LAMP3: variants seen among roughly 807,000 people sequenced by gnomAD.
LAMP3 encodes the protein lysosome associated membrane protein 3.
LAMP3 carries 26 observed loss-of-function variants against 34.8 expected under a neutral mutation model. The ratio of observed to expected loss-of-function variants is 0.75; its 90% CI spans 0.55 to 1.04. The LOEUF is 1.04. LAMP3 is among the 50% of genes least tolerant of loss of function. The probability of loss-of-function intolerance (pLI) is 0.00; values close to 1 mark genes in which losing one functional copy is unlikely to be tolerated. For synonymous variants in LAMP3, 180 were observed against 201.9 expected (o/e 0.89, Z 0.92); for missense variants, 495 against 524.0 (o/e 0.94, Z 0.54).
intron 5 of LAMP3, among the ~76,000 whole-genome samples, chr3:183,128,966 T>C (rs1323074995): frequency 6.6e-6 from 1 of 152,244 alleles, no homozygotes; most frequent in Non-Finnish European, 1.5e-5. Flanking sequence ...TGTTGCATCC[T>C]TTGAATTATT....
chr3:183,152,344 T>C lies in LAMP3; in HGVS notation c.888+31A>G. 3.8e-6 allele frequency: 6 copies of C among 1,574,396 alleles called. No homozygotes were observed. In the South Asian group the frequency reaches 4.7e-5, roughly 12 times the overall value. On this transcript the variant is annotated intron_variant, in intron 3 of 5. Coordinates refer to ENST00000265598, the MANE Select transcript of LAMP3 (RefSeq NM_014398.4). ...GAGGGAGAGGGAAAGCTGTACCAGATGCAGTTTGTGCAAAGGAGCTCAGGC... is the reference window on the plus strand; with the variant it reads ...GAGGGAGAGGGAAAGCTGTACCAGACGCAGTTTGTGCAAAGGAGCTCAGGC...
rs147387418 is a variant in LAMP3, at chr3:183,133,287, C to T, written c.1117+2430G>A. On this transcript the variant is annotated intron_variant, in intron 5 of 5. Coordinates refer to ENST00000265598, the MANE Select transcript of LAMP3 (RefSeq NM_014398.4). ...CAACTTTGAGAAAATGCTAGTTTGG[C>T]CTAGAGGGTTGTGATCAGAGTTATG... 8.8e-3 allele frequency among the ~76,000 whole-genome samples: 1,339 copies of T among 152,234 alleles called. 78 individuals are homozygous for T. The highest frequency in any genetic ancestry group is 0.081 in the Admixed American group (1,240 of 15,284).
intron 5 of LAMP3, among the ~76,000 whole-genome samples, chr3:183,128,487 C>CCCTATTGATG (rs1719836699): frequency 6.6e-6 from 1 of 152,032 alleles, no homozygotes; most frequent in African/African-American, 2.4e-5. Flanking sequence ...AAAATCTGGC[C>CCCTATTGATG]CCTATTGATG....
rs116108497 is a variant in LAMP3 at position 183,148,088 on chromosome 3, A to T, written c.888+4287T>A. Among the ~76,000 whole-genome samples the T allele has an allele frequency of 7.1e-3, 1,083 of 152,286 alleles. 13 individuals carry two copies. The highest frequency in any genetic ancestry group is 0.024 in the African/African-American group (1,009 of 41,552). On this transcript the variant is annotated intron_variant, in intron 3 of 5. Transcript: ENST00000265598. ...TTGAGGAAAGGACAGTGTCTTCAAT[A>T]AATGGTGCTAGGAAAACTGGGTATC...
At chr3:183,132,971 A>C in intron 5 of LAMP3, 2 of 983,308 alleles carry the variant, frequency 2.0e-6, no homozygotes, top group Non-Finnish European at 2.4e-6. Flanking sequence ...AATTGAAGTC[A>C]GAGTAACAAG....
intron 1 of LAMP3, among the ~76,000 whole-genome samples, chr3:183,160,101 C>A (rs1720934193): frequency 6.6e-6 from 1 of 152,190 alleles, no homozygotes; most frequent in Non-Finnish European, 1.5e-5. Flanking sequence ...GAGTAACAAG[C>A]AACTATCTTG....
At chr3:183,142,774 T>C (rs1463120903) in intron 3 of LAMP3, among the ~76,000 whole-genome samples, 1 of 152,144 alleles carries the variant, frequency 6.6e-6, no homozygotes, top group African/African-American at 2.4e-5. Context: ...TAATGAATTT[T>C]TGGGGCTTAG....
In LAMP3 at chr3:183,154,006, A is replaced by G. The variant is rs747997199; in HGVS notation, c.435T>C (p.Thr145=). The change falls in exon 2 of 6, where the codon ACT becomes ACC. Residue 145 remains threonine, a synonymous_variant. Coordinates refer to ENST00000265598, the MANE Select transcript of LAMP3 (RefSeq NM_014398.4). ...GGCTGACGGTTGATGAACTGGTTCC[A>G]GTTGTATGAGCTGGTGGGGTGATGG... ...PPTITPPAHT[T]GTSSSTVSHT... is the part of the protein sequence containing the mutation. 1.2e-6 allele frequency: 2 copies of G among 1,614,102 alleles called. No homozygotes were observed. The highest frequency in any genetic ancestry group is 1.7e-6 in the Non-Finnish European group (2 of 1,180,008).
intron 3 of LAMP3, among the ~76,000 whole-genome samples, chr3:183,151,672 C>G (rs1434888046): frequency 1.3e-5 from 2 of 151,978 alleles, no homozygotes; most frequent in Non-Finnish European, 2.9e-5. Context: ...AGGTGATCTG[C>G]CCGCCTCAGC....
intron 1 of LAMP3, among the ~76,000 whole-genome samples, chr3:183,155,907 C>T (rs1429506196): frequency 6.6e-6 from 1 of 152,170 alleles, no homozygotes; most frequent in Non-Finnish European, 1.5e-5. Context: ...TTAAGTAAAA[C>T]TCTTCATGGA....
In LAMP3 at chr3:183,124,162, G is replaced by T. The variant is rs1437426997; in HGVS notation, c.1170C>A (p.Ile390=). 3 of 1,609,764 alleles carry T rather than the reference G, an allele frequency of 1.9e-6. No homozygotes were observed. The highest frequency in any genetic ancestry group is 2.7e-5 in the African/African-American group (2 of 74,628). ...YTIVLPVIGA[I]VVGLCLMGMG... is the part of the protein sequence containing the mutation. ...TACCCATAAGGCAGAGACCAACCACGATGGCCCCAATCACAGGAAGCACAA... is the reference window on the plus strand; with the variant it reads ...TACCCATAAGGCAGAGACCAACCACTATGGCCCCAATCACAGGAAGCACAA... Residue 390 remains isoleucine, a synonymous_variant, in exon 6 of 6, where the codon ATC becomes ATA. Transcript: ENST00000265598.
chr3:183,154,400 T>C lies in LAMP3; in HGVS notation c.50-9A>G. ...GCCATCGTGCAAAATTACTGAAAAT[T>C]AGGAAATAAAAGTGTTAAAAACACT... is the stretch of plus-strand genomic sequence containing the variant. On this transcript the variant is annotated splice_polypyrimidine_tract_variant and intron_variant, in intron 1 of 5. Transcript: ENST00000265598. 6.3e-7 allele frequency: 1 copy of C among 1,583,090 alleles called. No homozygotes were observed. The highest frequency in any genetic ancestry group is 8.6e-7 in the Non-Finnish European group (1 of 1,164,170).
chr3:183,160,499 G>A (rs1397221537), intron 1 of LAMP3, among the ~76,000 whole-genome samples: 1 of 152,172 alleles, frequency 6.6e-6, no homozygotes, highest in East Asian at 1.9e-4. Flanking sequence ...AAAGTGCTGG[G>A]ATTACAGGTG....
chr3:183,136,672 A>AAAAAC, intron 4 of LAMP3, among the ~76,000 whole-genome samples: 1 of 145,400 alleles, frequency 6.9e-6, no homozygotes, highest in Non-Finnish European at 1.5e-5. Context: ...AAAAAAAAAC[A>AAAAAC]ACTCATTAGG....
chr3:183,124,379 T>A (rs1445583815), intron 5 of LAMP3, among the ~76,000 whole-genome samples, 165 bp from the exon 6 acceptor site: 1 of 152,238 alleles, frequency 6.6e-6, no homozygotes, highest in Non-Finnish European at 1.5e-5. Flanking sequence ...ACCCTTGCAA[T>A]TTCCTAATTT....
intron 5 of LAMP3, among the ~76,000 whole-genome samples, chr3:183,125,990 A>G (rs929412485): frequency 3.9e-5 from 6 of 152,208 alleles, no homozygotes; most frequent in Non-Finnish European, 8.8e-5. Context: ...ACGAAAAAAG[A>G]ACTTTGACAA....
intron 1 of LAMP3, among the ~76,000 whole-genome samples, chr3:183,159,393 C>T (rs192870792): frequency 1.9e-3 from 292 of 152,182 alleles, no homozygotes; most frequent in Middle Eastern, 6.8e-3. Context: ...AACACAGGGA[C>T]GGTATGGGAA....
At position 183,135,854 on chromosome 3, in the gene LAMP3, A is replaced by G. The variant is rs781614172; in HGVS notation, c.980T>C (p.Val327Ala). 3 of 1,613,980 alleles carry G rather than the reference A, an allele frequency of 1.9e-6. No individual in the cohort carries two copies. The highest frequency in any genetic ancestry group is 2.2e-5 in the East Asian group (1 of 44,876). ...TIYQGIKHAV[V>A]MFQTAVGHSF... Reference sequence around the variant, plus strand: ...ATGCCCGACTGCTGTCTGGAACATCACCACCGCATGTTTGATTCCTTGGTA... The same window carrying G: ...ATGCCCGACTGCTGTCTGGAACATCGCCACCGCATGTTTGATTCCTTGGTA... Residue 327 changes from valine to alanine, a missense_variant, in exon 5 of 6, where the codon GTG becomes GCG. Transcript: ENST00000265598.
chr3:183,138,610 G>A (rs1720172785), intron 4 of LAMP3, among the ~76,000 whole-genome samples: 1 of 152,168 alleles, frequency 6.6e-6, no homozygotes, highest in Non-Finnish European at 1.5e-5. Flanking sequence ...TCTCACACGA[G>A]AAGTGAATAC....
Sources: allele counts gnomAD v4.1 joint callset (sites outside exome capture counted in the v4.1 genomes callset), GRCh38; gene constraint gnomAD v4.1.1; transcripts MANE v1.5; gene names NCBI Gene and HGNC (gene_info 2026-07-23, HGNC 2026-07-21).